The following PKD2 variants were observed in gnomAD, a reference collection of about 807,000 sequenced individuals.
PKD2 encodes polycystin 2, transient receptor potential cation channel, also known as polycystin-2.
PKD2 carries 48 observed loss-of-function variants against 105.9 expected under a neutral mutation model. The observed-to-expected ratio is 0.45, with a 90% CI of 0.36 to 0.58. The LOEUF (loss-of-function observed/expected upper bound fraction) is 0.58, where lower values mean the gene tolerates loss of function less well. Among genes scored for constraint, PKD2 ranks in the 20% least tolerant of loss-of-function variants. PKD2 has a pLI of 0.00. For synonymous variants in PKD2, 464 were observed against 481.1 expected, an observed-to-expected ratio of 0.96 and a Z score of 0.46; for missense variants, 1,078 against 1,255.3, an observed-to-expected ratio of 0.86 and a Z score of 2.13.
rs758164143 is a variant in PKD2 at position 88,052,116 on chromosome 4, C to A, written c.1674C>A (p.Phe558Leu). 1.9e-6 allele frequency: 3 copies of A among 1,606,588 alleles called. No individual in the cohort carries two copies. The highest frequency in any genetic ancestry group is 2.6e-6 in the Non-Finnish European group (3 of 1,173,540). Residue 558 changes from phenylalanine (F) to leucine (L), a missense_variant, in exon 7 of 15, where the codon TTC (phenylalanine) becomes TTA (leucine). Transcript: ENST00000237596. ...ATCTGGCATATTGGCAGATACAGTT[C>A]AACAATATAGCTGCTGTCACAGTAT... The part of the protein sequence containing the change: ...FEHLAYWQIQ[F>L]NNIAAVTVFF...
intron 9 of PKD2, among the ~76,000 whole-genome samples, chr4:88,059,278 C>A (rs1003397722): frequency 4.6e-5 from 7 of 152,130 alleles, no homozygotes; most frequent in African/African-American, 1.7e-4. Flanking sequence ...GTTTATGGCT[C>A]ATTTTTAAAC....
Position 88,046,884 on chromosome 4 carries a change from C to T in PKD2, c.1548+14C>T. 2 of 1,423,048 alleles carry T rather than the reference C, an allele frequency of 1.4e-6. No homozygotes were observed. The highest frequency in any genetic ancestry group is 2.0e-6 in the Non-Finnish European group (2 of 1,005,696). The allele number at this position is 1,423,048 out of a possible 1,614,324, so 88.2% of individuals were successfully genotyped here. A position where few individuals can be genotyped will look rare whatever the true frequency, so the allele number is the denominator to read the frequency against. On this transcript the variant is annotated intron_variant, in intron 6 of 14. Coordinates refer to ENST00000237596, the MANE Select transcript of PKD2 (RefSeq NM_000297.4). ...GTGATCGTTGTGGTAGGTTTGAGAA[C>T]AACACCAAATTTCCTATTCTATTCT...
intron 9 of PKD2, among the ~76,000 whole-genome samples, chr4:88,058,777 T>C (rs576679774): frequency 6.6e-6 from 1 of 152,296 alleles, no homozygotes; most frequent in South Asian, 2.1e-4. Context: ...TTTATTCTCT[T>C]GATTTGGTAC....
intron 9 of PKD2, among the ~76,000 whole-genome samples, chr4:88,060,187 G>A (rs528304173): frequency 6.6e-6 from 1 of 152,278 alleles, no homozygotes; most frequent in African/African-American, 2.4e-5. Flanking sequence ...CCACTTGGAA[G>A]CAAAAATAGA....
chr4:88,019,702 A>T, intron 2 of PKD2, 131 bp downstream of exon 2: 1 of 684,932 alleles, frequency 1.5e-6, no homozygotes, highest in Admixed American at 2.2e-5. Flanking sequence ...TTTGTTTTTA[A>T]TTCTAATATT....
Position 88,022,945 on chromosome 4 carries a change from G to T in PKD2, c.709+3374G>T, listed in dbSNP as rs11944078. 2.4e-3 allele frequency among the ~76,000 whole-genome samples: 370 copies of T among 152,182 alleles called. 3 individuals carry two copies. Among genetic ancestry groups the T allele is most frequent in the African/African-American group, 8.6e-3 (355 of 41,516 alleles). On this transcript the variant is annotated intron_variant, in intron 2 of 14. Coordinates refer to ENST00000237596, the MANE Select transcript of PKD2 (RefSeq NM_000297.4). ...AAAATACAAAAATTATCTGGGCATG[G>T]TGGCATGCACCTGTAGTCCCAGCCA...
intron 4 of PKD2, among the ~76,000 whole-genome samples, chr4:88,041,289 C>T (rs1200719834): frequency 9.9e-5 from 15 of 152,182 alleles, no homozygotes; most frequent in Admixed American, 9.8e-4. Flanking sequence ...CTCACTCCTT[C>T]CTTTCCCTTC....
chr4:88,041,403 A>AT (rs1177250274), intron 4 of PKD2, among the ~76,000 whole-genome samples: 3 of 152,128 alleles, frequency 2.0e-5, no homozygotes, highest in African/African-American at 7.2e-5. Context: ...AGGTTCAGTG[A>AT]TTCACTAGAA....
At chr4:88,044,607 A>T (rs992145072) in intron 5 of PKD2, among the ~76,000 whole-genome samples, 1 of 152,238 alleles carries the variant, frequency 6.6e-6, no homozygotes, top group Admixed American at 6.5e-5. Flanking sequence ...ATATAATGAG[A>T]TATCTTGGGG....
intron 4 of PKD2, among the ~76,000 whole-genome samples, chr4:88,039,153 C>A (rs139800457): frequency 6.6e-6 from 1 of 152,086 alleles, no homozygotes; most frequent in Admixed American, 6.5e-5. Context: ...TGGGCCTTTG[C>A]GGTTGCTGTC....
intron 12 of PKD2, among the ~76,000 whole-genome samples, chr4:88,066,582 A>T (rs1401930272): frequency 6.6e-6 from 1 of 152,004 alleles, no homozygotes; most frequent in East Asian, 1.9e-4. Flanking sequence ...CAAACTCCTG[A>T]CTGCAAGCAA....
rs916084151 is a variant in PKD2, at chr4:88,030,374, C to A, written c.710-5846C>A. Among the ~76,000 whole-genome samples, 3 of 152,186 alleles carry A rather than the reference C, an allele frequency of 2.0e-5. No homozygotes were observed. In the East Asian group the frequency reaches 5.8e-4, roughly 29 times the overall value. ...CTGTTCTTGAACTCTTGGGCTCAAGCGATCCTCCTGCAACATCTTCCCAAA... is the reference window on the plus strand; with the variant it reads ...CTGTTCTTGAACTCTTGGGCTCAAGAGATCCTCCTGCAACATCTTCCCAAA... On this transcript the variant is annotated intron_variant, in intron 2 of 14. Transcript: ENST00000237596.
intron 6 of PKD2, among the ~76,000 whole-genome samples, chr4:88,047,394 A>C (rs79881589): frequency 7.1e-6 from 1 of 140,260 alleles, no homozygotes; most frequent in Non-Finnish European, 1.5e-5. Context: ...CTGTCTTTAC[A>C]AAAAAAAAAA....
In PKD2 at chr4:88,038,318, A is replaced by T. The variant is rs763255650; in HGVS notation, c.911A>T (p.Asp304Val). 6.2e-6 allele frequency: 10 copies of T among 1,613,904 alleles called. No homozygotes were observed. The highest frequency in any genetic ancestry group is 8.5e-6 in the Non-Finnish European group (10 of 1,179,876). ...CAGCCCAGCAACCAGACTGAAGCTG[A>T]CAACCGAAGTTTCATCTTCTATGAG... The part of the protein sequence containing the change: ...KMQPSNQTEA[D>V]NRSFIFYENL... The change falls in exon 4 of 15, where the codon GAC becomes GTC. Residue 304 changes from aspartate (D) to valine (V), a missense_variant. By Grantham distance (152) the Asp-to-Val change is radical. This residue lies in a region of PKD2 where 868 missense variants were observed against 1,067.3 expected (regional missense o/e 0.81). Coordinates refer to ENST00000237596, the MANE Select transcript of PKD2 (RefSeq NM_000297.4).
In PKD2 at chr4:88,056,163, T is replaced by A; in HGVS notation, c.1794T>A (p.Phe598Leu). ...TTMSRCAKDL[F>L]GFAIMFFIIF... ...TGTCTCGATGTGCCAAAGACCTGTTTGGCTTTGCTATTATGTTCTTCATTA... is the reference window on the plus strand; with the variant it reads ...TGTCTCGATGTGCCAAAGACCTGTTAGGCTTTGCTATTATGTTCTTCATTA... The change falls in exon 8 of 15, where the codon TTT becomes TTA. Residue 598 changes from phenylalanine to leucine, a missense_variant. By Grantham distance (22) the Phe-to-Leu change is conservative (BLOSUM62 0). Around this residue, in one of 2 missense-constraint regions of PKD2, gnomAD observed 868 missense variants for 1,067.3 expected, o/e 0.81. Coordinates refer to ENST00000237596, the MANE Select transcript of PKD2 (RefSeq NM_000297.4). The A allele has an allele frequency of 6.2e-7, 1 of 1,613,468 alleles. No individual in the cohort carries two copies. The highest frequency in any genetic ancestry group is 8.5e-7 in the Non-Finnish European group (1 of 1,179,388).
intron 3 of PKD2, among the ~76,000 whole-genome samples, chr4:88,037,021 G>A (rs1727358213): frequency 6.6e-6 from 1 of 152,144 alleles, no homozygotes; most frequent in Non-Finnish European, 1.5e-5. Flanking sequence ...TTTAGCCCAG[G>A]ATTTTGAAAC....
chr4:88,043,147 T>G (rs1037882178), intron 4 of PKD2, 86 bp from the exon 5 acceptor site: 3 of 864,942 alleles, frequency 3.5e-6, no homozygotes, highest in Non-Finnish European at 5.8e-6. Context: ...ACATACTTTA[T>G]TTTACAAGGA....
chr4:88,038,471 G>C lies in PKD2; in HGVS notation c.1064G>C (p.Arg355Thr), dbSNP rs756037248. Reference sequence around the variant, plus strand: ...GTCTACTCTGTCAGTAGTGAAGATAGGGCTCCCTTTGGGCCCCGAAATGGA... The same window carrying C: ...GTCTACTCTGTCAGTAGTGAAGATACGGCTCCCTTTGGGCCCCGAAATGGA... ...YDVYSVSSED[R>T]APFGPRNGTA... The change falls in exon 4 of 15, where the codon AGG (arginine) becomes ACG (threonine). Residue 355 changes from arginine (R) to threonine (T), a missense_variant. By Grantham distance (71) the Arg-to-Thr change is moderately conservative. Transcript: ENST00000237596. The C allele has an allele frequency of 5.6e-6, 9 of 1,613,852 alleles. No individual in the cohort carries two copies. The South Asian group carries it at 8.8e-5, about 16-fold the overall frequency.
At chr4:88,010,569 G>A (rs1424229462) in intron 1 of PKD2, among the ~76,000 whole-genome samples, 2 of 152,210 alleles carry the variant, frequency 1.3e-5, no homozygotes, top group African/African-American at 2.4e-5. Context: ...GATCAGAACA[G>A]AAAGTAACTT....
Sources: allele counts gnomAD v4.1 joint callset (sites outside exome capture counted in the v4.1 genomes callset), GRCh38; gene constraint gnomAD v4.1.1; regional missense constraint gnomAD v4.1.1; transcripts MANE v1.5; gene names NCBI Gene and HGNC (gene_info 2026-07-23, HGNC 2026-07-21).